The following WDPCP variants were observed in gnomAD, a reference collection of about 807,000 sequenced individuals.
WDPCP encodes WD repeat-containing and planar cell polarity effector protein fritz homolog.
WDPCP carries 71 observed loss-of-function variants against 93.1 expected under a neutral mutation model. That is an observed-to-expected ratio of 0.76 (90% confidence interval 0.63 to 0.93). The LOEUF (loss-of-function observed/expected upper bound fraction) is 0.93. WDPCP is among the 40% of genes least tolerant of loss of function. The pLI, the probability that WDPCP is intolerant of heterozygous loss-of-function variation, is 0.00. For synonymous variants in WDPCP, 315 were observed against 315.0 expected (o/e 1.00, Z 0.00); for missense variants, 844 against 887.4 (o/e 0.95, Z 0.62).
At chr2:63,241,233 A>C (rs1574962204) in intron 14 of WDPCP, among the ~76,000 whole-genome samples, 1 of 152,212 alleles carries the variant, frequency 6.6e-6, no homozygotes, top group South Asian at 2.1e-4. Context: ...TGATGTGCTC[A>C]TAATTATGAA....
At chr2:63,638,388 A>C (rs966286975) in intron 3 of WDPCP, among the ~76,000 whole-genome samples, 1 of 152,060 alleles carries the variant, frequency 6.6e-6, no homozygotes, top group Non-Finnish European at 1.5e-5. Flanking sequence ...ATGTTAATTA[A>C]CTTCATTGTG....
At chr2:63,778,567 C>A (rs1250243865) in intron 2 of WDPCP, among the ~76,000 whole-genome samples, 1 of 152,166 alleles carries the variant, frequency 6.6e-6, no homozygotes, top group Admixed American at 6.6e-5. Flanking sequence ...ATGTCTCGAC[C>A]TCTGAGATGG....
chr2:63,741,895 T>C (rs1558899623), intron 2 of WDPCP, among the ~76,000 whole-genome samples: 1 of 152,130 alleles, frequency 6.6e-6, no homozygotes. Flanking sequence ...AAAACGTTAT[T>C]AAAATTGGAT....
intron 2 of WDPCP, among the ~76,000 whole-genome samples, chr2:63,718,715 T>C (rs1669372055): frequency 6.6e-6 from 1 of 152,180 alleles, no homozygotes; most frequent in African/African-American, 2.4e-5. Flanking sequence ...GTTTACTTTA[T>C]GGATCATTTC....
chr2:63,406,549 A>G (rs1427385463), intron 9 of WDPCP, among the ~76,000 whole-genome samples: 1 of 152,214 alleles, frequency 6.6e-6, no homozygotes, highest in Admixed American at 6.5e-5. Flanking sequence ...CAAAAGACAG[A>G]TTAATAAGAG....
chr2:63,262,046 GT>G (rs985327611), intron 13 of WDPCP, among the ~76,000 whole-genome samples: 8 of 152,028 alleles, frequency 5.3e-5, no homozygotes, highest in Admixed American at 6.6e-5. Flanking sequence ...GAAGAATTTG[GT>G]AAGTTGAAAA....
At chr2:63,787,096 A>G in intron 2 of WDPCP, among the ~76,000 whole-genome samples, 1 of 152,184 alleles carries the variant, frequency 6.6e-6, no homozygotes, top group South Asian at 2.1e-4. Flanking sequence ...AATTATATAA[A>G]CTAGGATACC....
At chr2:63,594,766 T>C in intron 3 of WDPCP, 1 of 525,480 alleles carries the variant, frequency 1.9e-6, no homozygotes, top group Non-Finnish European at 3.4e-6. Context: ...CTCCAGGCAC[T>C]GAAAACACTT....
chr2:63,187,091 T>C (rs1674699045), intron 14 of WDPCP, among the ~76,000 whole-genome samples: 1 of 152,210 alleles, frequency 6.6e-6, no homozygotes, highest in South Asian at 2.1e-4. Flanking sequence ...CCTGGTGAAT[T>C]GACCCTTTAA....
intron 14 of WDPCP, among the ~76,000 whole-genome samples, chr2:63,203,754 A>C (rs1379613946): frequency 6.6e-6 from 1 of 151,450 alleles, no homozygotes; most frequent in Non-Finnish European, 1.5e-5. Flanking sequence ...TTTGTCTTTC[A>C]TCCTTCTACT....
intron 14 of WDPCP, among the ~76,000 whole-genome samples, chr2:63,250,133 T>C (rs1426986753): frequency 4.6e-5 from 7 of 152,170 alleles, no homozygotes; most frequent in Non-Finnish European, 1.0e-4. Context: ...ATCACTACTT[T>C]TGTGCTTTGG....
At chr2:63,446,500 A>G (rs1327324542) in intron 6 of WDPCP, among the ~76,000 whole-genome samples, 1 of 152,204 alleles carries the variant, frequency 6.6e-6, no homozygotes, top group African/African-American at 2.4e-5. Flanking sequence ...CTGTGGAAGC[A>G]AAGATGTTTT....
chr2:63,298,540 C>T (rs1685055933), intron 13 of WDPCP, among the ~76,000 whole-genome samples: 1 of 152,028 alleles, frequency 6.6e-6, no homozygotes, highest in Non-Finnish European at 1.5e-5. Context: ...CTTTATCTTT[C>T]TCCCATGCTG....
chr2:63,482,388 C>T (rs1272308643), intron 6 of WDPCP, among the ~76,000 whole-genome samples: 1 of 151,888 alleles, frequency 6.6e-6, no homozygotes, highest in Non-Finnish European at 1.5e-5. Flanking sequence ...TTGCAGTCAG[C>T]TGACATGTTA....
intron 1 of WDPCP, among the ~76,000 whole-genome samples, chr2:63,579,367 C>T (rs370013482): frequency 1.3e-5 from 2 of 152,114 alleles, no homozygotes; most frequent in Non-Finnish European, 1.5e-5. Context: ...CACAGCACTT[C>T]GGGAGGCCAA....
At chr2:63,350,954 T>G (rs780789723) in intron 12 of WDPCP, among the ~76,000 whole-genome samples, 2 of 145,332 alleles carry the variant, frequency 1.4e-5, no homozygotes, top group Non-Finnish European at 3.0e-5. Context: ...TTGTCTCTAA[T>G]TTTATTAAAT....
At chr2:63,586,498 A>T (rs1399501523) in intron 1 of WDPCP, among the ~76,000 whole-genome samples, 1 of 152,224 alleles carries the variant, frequency 6.6e-6, no homozygotes, top group Non-Finnish European at 1.5e-5. Context: ...ATTAGCTATT[A>T]CCAAAGACGG....
chr2:63,767,218 A>G (rs1161463752), intron 2 of WDPCP, among the ~76,000 whole-genome samples: 2 of 152,132 alleles, frequency 1.3e-5, no homozygotes, highest in African/African-American at 4.8e-5. Flanking sequence ...TGCATTGTAT[A>G]TATACTTAAT....
intron 14 of WDPCP, among the ~76,000 whole-genome samples, chr2:63,217,308 C>A (rs945405986): frequency 7.9e-5 from 12 of 152,198 alleles, no homozygotes; most frequent in African/African-American, 2.9e-4. Context: ...TGCTTTTGGA[C>A]TACAAGGGCA....
Sources: gnomAD v4.1 joint callset for allele counts (sites outside exome capture counted in the v4.1 genomes callset) on GRCh38, gnomAD v4.1.1 for gene constraint, MANE v1.5 for transcripts, NCBI Gene and HGNC (gene_info 2026-07-23, HGNC 2026-07-21) for gene names.